Variants in IMMT observed in about 807,000 individuals in gnomAD.
IMMT encodes MICOS complex subunit MIC60.
Under a neutral mutation model 92.7 loss-of-function variants are expected in IMMT, and 40 were observed. The observed-to-expected ratio is 0.43, with a 90% CI of 0.34 to 0.56. The LOEUF (loss-of-function observed/expected upper bound fraction) is 0.56, where lower values mean the gene tolerates loss of function less well. Ranked by LOEUF, IMMT falls within the 20% of genes least tolerant of loss-of-function variation. The pLI is 0.03. For missense variants in IMMT, 831 were observed against 912.1 expected (o/e 0.91, Z 1.14); for synonymous variants, 322 against 336.1 (o/e 0.96, Z 0.46).
intron 6 of IMMT, among the ~76,000 whole-genome samples, chr2:86,169,243 TAAAG>T (rs1676927189): frequency 6.6e-6 from 1 of 151,726 alleles, no homozygotes; most frequent in South Asian, 2.1e-4. Context: ...GCCCAAGTGA[TAAAG>T]AGAGAAAAGT....
At chr2:86,152,442 A>G (rs1675527747) in intron 11 of IMMT, among the ~76,000 whole-genome samples, 1 of 146,092 alleles carries the variant, frequency 6.8e-6, no homozygotes, top group South Asian at 2.1e-4. Context: ...CTCCATCTCA[A>G]AAAAAAAAAA....
intron 3 of IMMT, among the ~76,000 whole-genome samples, chr2:86,178,821 G>A (rs775572438): frequency 6.6e-5 from 10 of 152,088 alleles, no homozygotes; most frequent in Non-Finnish European, 1.3e-4. Flanking sequence ...CAACACTTTG[G>A]GAGGCTGAGG....
At chr2:86,174,330 G>A (rs552427069) in intron 3 of IMMT, among the ~76,000 whole-genome samples, 1 of 152,152 alleles carries the variant, frequency 6.6e-6, no homozygotes, top group Non-Finnish European at 1.5e-5. Context: ...ATGTGCCAGA[G>A]AAAATTACTT....
chr2:86,177,919 T>A (rs1352949371), intron 3 of IMMT, among the ~76,000 whole-genome samples: 1 of 152,188 alleles, frequency 6.6e-6, no homozygotes, highest in Non-Finnish European at 1.5e-5. Flanking sequence ...CATTTACCCT[T>A]GTGTGCAGCA....
chr2:86,195,410 G>T lies in IMMT; in HGVS notation c.-28C>A, dbSNP rs200318497. On this transcript the variant is annotated 5_prime_UTR_variant, in exon 1 of 15. Coordinates refer to ENST00000410111, the MANE Select transcript of IMMT (RefSeq NM_006839.3). ...CGGTCAAGCGGACGGCGCTGCTGGT[G>T]GACTCGAGCTGCCGCGGCGGCGCGA... 3.2e-6 allele frequency: 5 copies of T among 1,544,988 alleles called. No homozygotes were observed. Among genetic ancestry groups the T allele is most frequent in the African/African-American group, 2.8e-5 (2 of 72,474 alleles).
At chr2:86,165,878 T>C (rs1354801661) in intron 7 of IMMT, among the ~76,000 whole-genome samples, 1 of 152,222 alleles carries the variant, frequency 6.6e-6, no homozygotes, top group African/African-American at 2.4e-5. Context: ...GAAATAGCAA[T>C]TTTAAAGCAA....
chr2:86,147,893 A>T, intron 12 of IMMT, 60 bp from the exon 13 acceptor site: 1 of 1,544,918 alleles, frequency 6.5e-7, no homozygotes, highest in Non-Finnish European at 8.8e-7. Flanking sequence ...TTTTAGGAAA[A>T]CAGAAAGACC....
chr2:86,158,527 A>C, intron 10 of IMMT, 65 bp downstream of exon 10: 1 of 1,361,444 alleles, frequency 7.3e-7, no homozygotes, highest in Admixed American at 2.1e-5. Flanking sequence ...GAGATGAAGC[A>C]AGTTTAGATT....
At position 86,166,664 on chromosome 2, in the gene IMMT, A is replaced by C; in HGVS notation, c.656-20T>G. ...CTAGAGCTTAAAAAAAAAAAAGAAC[A>C]GTTAAAAAACAAATCCTACCCCCAT... On this transcript the variant is annotated intron_variant, in intron 6 of 14. Coordinates refer to ENST00000410111, the MANE Select transcript of IMMT (RefSeq NM_006839.3). 1 of 1,576,244 alleles carries C rather than the reference A, an allele frequency of 6.3e-7. No homozygotes were observed. Among genetic ancestry groups the C allele is most frequent in the Middle Eastern group, 1.7e-4 (1 of 5,884 alleles).
chr2:86,168,367 A>G (rs543863001), intron 6 of IMMT, among the ~76,000 whole-genome samples: 224 of 152,364 alleles, frequency 1.5e-3, no homozygotes, highest in African/African-American at 4.6e-3. Context: ...TCACGCCTGT[A>G]ATCCCAGCAC....
At chr2:86,182,886 A>C (rs1283155542) in intron 1 of IMMT, among the ~76,000 whole-genome samples, 2 of 151,984 alleles carry the variant, frequency 1.3e-5, no homozygotes, top group Non-Finnish European at 1.5e-5. Context: ...AAAAACAAAA[A>C]CAAAAAATAC....
intron 12 of IMMT, among the ~76,000 whole-genome samples, chr2:86,149,136 T>C (rs772877535): frequency 6.6e-6 from 1 of 152,258 alleles, no homozygotes; most frequent in South Asian, 2.1e-4. Flanking sequence ...CAGGGCAACA[T>C]AACAGAAAGT....
At chr2:86,189,222 A>G (rs760473755) in intron 1 of IMMT, among the ~76,000 whole-genome samples, 2 of 152,068 alleles carry the variant, frequency 1.3e-5, no homozygotes, top group East Asian at 1.9e-4. Flanking sequence ...GAGGAAACAT[A>G]TAATTCCCAT....
chr2:86,159,691 A>T lies in IMMT; in HGVS notation c.897-20T>A. On this transcript the variant is annotated intron_variant, in intron 8 of 14. Coordinates refer to ENST00000410111, the MANE Select transcript of IMMT (RefSeq NM_006839.3). ...TCTTCTCTGGAAACCAACAAAACAA[A>T]GATTTAATATAACTTCTTGTCAACT... is the stretch of plus-strand genomic sequence containing the variant. 6.5e-7 allele frequency: 1 copy of T among 1,527,134 alleles called. No homozygotes were observed. Among genetic ancestry groups the T allele is most frequent in the East Asian group, 2.3e-5 (1 of 43,618 alleles). The allele number at this position is 1,527,134 out of a possible 1,614,324, so 94.6% of individuals were successfully genotyped here. A position where few individuals can be genotyped will look rare whatever the true frequency, so the allele number is the denominator to read the frequency against.
At chr2:86,171,412 A>T in intron 4 of IMMT, 67 bp from the exon 5 acceptor site, 1 of 1,450,156 alleles carries the variant, frequency 6.9e-7, no homozygotes, top group South Asian at 1.2e-5. Flanking sequence ...ACAGAAATTT[A>T]CTACCACCAT....
chr2:86,161,865 G>T (rs991655962), intron 8 of IMMT, 111 bp downstream of exon 8: 2 of 716,838 alleles, frequency 2.8e-6, no homozygotes, highest in Non-Finnish European at 4.9e-6. Flanking sequence ...AAAAGTGAGA[G>T]AAGGGTTTCT....
rs376275324 is a variant in IMMT at position 86,173,752 on chromosome 2, C to T, written c.319G>A (p.Gly107Ser). The part of the protein sequence containing the change: ...VPLPKKSIQS[G>S]PLKISSVSEV... Reference sequence around the variant, plus strand: ...GATACACTAGAGATTTTTAGTGGACCCGACTGAATCTTGGAAATAAAAAAC... The same window carrying T: ...GATACACTAGAGATTTTTAGTGGACTCGACTGAATCTTGGAAATAAAAAAC... The change falls in exon 4 of 15, where the codon GGT (glycine) becomes AGT (serine). Residue 107 changes from glycine to serine, a missense_variant. Physicochemically the swap from Gly to Ser is moderately conservative, Grantham distance 56. Transcript: ENST00000410111. 1.1e-4 allele frequency: 174 copies of T among 1,556,402 alleles called. No individual in the cohort carries two copies. In the Middle Eastern group the frequency reaches 3.4e-3, roughly 30 times the overall value.
intron 9 of IMMT, 79 bp downstream of exon 9, chr2:86,159,457 G>T: frequency 2.7e-6 from 3 of 1,104,966 alleles, no homozygotes; most frequent in Non-Finnish European, 4.0e-6. Context: ...GTAGGAATTT[G>T]CTGTTTTCCT....
In IMMT at chr2:86,195,197, C is replaced by T. The variant is rs112444500; in HGVS notation, c.45+141G>A. 5.6e-6 allele frequency: 5 copies of T among 886,366 alleles called. No homozygotes were observed. In the African/African-American group the frequency reaches 7.1e-5, roughly 13 times the overall value. 54.9% of individuals were successfully genotyped at this position (886,366 alleles called of 1,614,324 possible). ...GAACTCCCTGGTGGCTGCCTAGCTGCCCGCCCGGGCCTCTCCCGACGAGGG... is the reference window on the plus strand; with the variant it reads ...GAACTCCCTGGTGGCTGCCTAGCTGTCCGCCCGGGCCTCTCCCGACGAGGG... On this transcript the variant is annotated intron_variant, in intron 1 of 14. Coordinates refer to ENST00000410111, the MANE Select transcript of IMMT (RefSeq NM_006839.3).
Sources: gnomAD v4.1 joint callset for allele counts (sites outside exome capture counted in the v4.1 genomes callset) on GRCh38, gnomAD v4.1.1 for gene constraint, MANE v1.5 for transcripts, NCBI Gene and HGNC (gene_info 2026-07-23, HGNC 2026-07-21) for gene names.